CPQ: variants seen among roughly 807,000 people sequenced by gnomAD.
CPQ encodes the protein Ser-Met dipeptidase.
A neutral mutation model predicts 45.7 loss-of-function variants in CPQ; 37 were observed. The observed-to-expected ratio is 0.81, with a 90% CI of 0.62 to 1.07. The LOEUF is 1.07. CPQ is among the 50% of genes least tolerant of loss of function. CPQ has a pLI of 0.00. For missense variants in CPQ, 537 were observed against 572.9 expected, an observed-to-expected ratio of 0.94 and a Z score of 0.64; for synonymous variants, 186 against 205.8, an observed-to-expected ratio of 0.90 and a Z score of 0.82.
At chr8:97,038,905 G>A (rs1209048426) in intron 6 of CPQ, among the ~76,000 whole-genome samples, 2 of 150,250 alleles carry the variant, frequency 1.3e-5, no homozygotes, top group African/African-American at 4.9e-5. Context: ...TTACAAGGCA[G>A]AAGTTTAGAA....
At chr8:96,819,895 GTT>G (rs1811278703) in intron 2 of CPQ, among the ~76,000 whole-genome samples, 1 of 151,952 alleles carries the variant, frequency 6.6e-6, no homozygotes, top group Non-Finnish European at 1.5e-5. Flanking sequence ...GATTCCACTT[GTT>G]TAAAATTTTC....
chr8:96,955,784 T>C (rs1206866876), intron 4 of CPQ, among the ~76,000 whole-genome samples: 2 of 152,196 alleles, frequency 1.3e-5, no homozygotes, highest in Non-Finnish European at 2.9e-5. Flanking sequence ...AAGGATTCCC[T>C]ATTTAATGAA....
At chr8:96,723,923 T>A (rs1374781615) in intron 1 of CPQ, among the ~76,000 whole-genome samples, 1 of 152,112 alleles carries the variant, frequency 6.6e-6, no homozygotes, top group Non-Finnish European at 1.5e-5. Context: ...TTTCAGGATC[T>A]GTACTTTTCA....
intron 4 of CPQ, among the ~76,000 whole-genome samples, chr8:96,891,487 C>G (rs967642970): frequency 2.6e-5 from 4 of 152,122 alleles, no homozygotes; most frequent in Non-Finnish European, 4.4e-5. Context: ...TGTGTAACCT[C>G]CATCTCTGCC....
intron 3 of CPQ, among the ~76,000 whole-genome samples, chr8:96,866,978 G>A (rs1250315661): frequency 1.3e-5 from 2 of 152,090 alleles, no homozygotes; most frequent in Non-Finnish European, 2.9e-5. Flanking sequence ...CAAAGTACCA[G>A]ATGAAAGTAT....
intron 7 of CPQ, among the ~76,000 whole-genome samples, chr8:97,119,074 A>C (rs895569944): frequency 6.6e-6 from 1 of 152,056 alleles, no homozygotes; most frequent in African/African-American, 2.4e-5. Context: ...CACACTTGTA[A>C]TCCTAGCACT....
chr8:96,871,531 G>GTTTTTTTTTT (rs529360931), intron 3 of CPQ, among the ~76,000 whole-genome samples: 1 of 107,024 alleles, frequency 9.3e-6, no homozygotes, highest in Non-Finnish European at 1.9e-5. Flanking sequence ...TTGCTTCCAG[G>GTTTTTTTTTT]TTTTTTTTTT....
intron 4 of CPQ, among the ~76,000 whole-genome samples, chr8:96,934,381 G>A (rs1813016655): frequency 6.6e-6 from 1 of 152,176 alleles, no homozygotes; most frequent in African/African-American, 2.4e-5. Flanking sequence ...GGGGAGCTAA[G>A]TGAAGAGGGC....
intron 1 of CPQ, among the ~76,000 whole-genome samples, chr8:96,743,114 A>G (rs1392395344): frequency 6.6e-6 from 1 of 152,156 alleles, no homozygotes; most frequent in African/African-American, 2.4e-5. Context: ...CAGGCACACC[A>G]ATCAGACGTA....
chr8:97,098,801 G>A (rs2130575999), intron 7 of CPQ, among the ~76,000 whole-genome samples: 1 of 152,084 alleles, frequency 6.6e-6, no homozygotes, highest in East Asian at 1.9e-4. Context: ...TTATTCAATT[G>A]GGTCCTGGAA....
chr8:96,660,961 G>A (rs1563694735), intron 1 of CPQ, among the ~76,000 whole-genome samples: 1 of 151,992 alleles, frequency 6.6e-6, no homozygotes, highest in Admixed American at 6.6e-5. Flanking sequence ...TTATATGATA[G>A]TCATTTGCCT....
intron 1 of CPQ, among the ~76,000 whole-genome samples, chr8:96,780,526 A>C (rs1193010267): frequency 6.6e-6 from 1 of 152,184 alleles, no homozygotes; most frequent in Non-Finnish European, 1.5e-5. Context: ...CATAGTACAG[A>C]GTAAAAAGAG....
intron 6 of CPQ, among the ~76,000 whole-genome samples, chr8:97,043,093 G>T (rs1341956392): frequency 6.6e-6 from 1 of 152,078 alleles, no homozygotes; most frequent in South Asian, 2.1e-4. Context: ...GGGTGTTAAA[G>T]TCTCCCATTA....
chr8:97,123,209 AAT>A (rs1811783671), intron 7 of CPQ, among the ~76,000 whole-genome samples: 2 of 98,546 alleles, frequency 2.0e-5, no homozygotes, highest in African/African-American at 4.1e-5. Flanking sequence ...TAAAATAAAA[AAT>A]AAAATAAAAT....
intron 2 of CPQ, among the ~76,000 whole-genome samples, chr8:96,812,725 G>A (rs1197391171): frequency 6.6e-6 from 1 of 151,996 alleles, no homozygotes; most frequent in Admixed American, 6.6e-5. Context: ...CAGGCTTCAC[G>A]TGGGAGGAAA....
intron 1 of CPQ, among the ~76,000 whole-genome samples, chr8:96,771,217 T>A (rs1000817680): frequency 1.2e-4 from 18 of 151,360 alleles, no homozygotes; most frequent in Non-Finnish European, 2.2e-4. Flanking sequence ...TTTTCTTTTT[T>A]AAATAATAAC....
At chr8:96,647,661 T>G (rs1050162621) in intron 1 of CPQ, among the ~76,000 whole-genome samples, 1 of 152,212 alleles carries the variant, frequency 6.6e-6, no homozygotes, top group Non-Finnish European at 1.5e-5. Flanking sequence ...AACCCTGGGT[T>G]ATTTGGGTAA....
At chr8:96,716,808 G>T (rs1173412570) in intron 1 of CPQ, among the ~76,000 whole-genome samples, 1 of 151,724 alleles carries the variant, frequency 6.6e-6, no homozygotes, top group Non-Finnish European at 1.5e-5. Context: ...TTGGGAGGCT[G>T]AGGGAAAAGA....
chr8:96,839,603 T>C (rs1393035082), intron 3 of CPQ, among the ~76,000 whole-genome samples: 1 of 152,220 alleles, frequency 6.6e-6, no homozygotes, highest in African/African-American at 2.4e-5. Flanking sequence ...TATCATATTG[T>C]TTAGTACATA....
Sources: gnomAD v4.1 joint callset for allele counts (sites outside exome capture counted in the v4.1 genomes callset) on GRCh38, gnomAD v4.1.1 for gene constraint, MANE v1.5 for transcripts, NCBI Gene and HGNC (gene_info 2026-07-23, HGNC 2026-07-21) for gene names.